The following RIC3 variants were observed in gnomAD, a reference collection of about 807,000 sequenced individuals.
RIC3 encodes the protein RIC3 acetylcholine receptor chaperone.
Under a neutral mutation model 27.3 loss-of-function variants are expected in RIC3, and 28 were observed. That is an observed-to-expected ratio of 1.02 (90% CI 0.76 to 1.41). The LOEUF is 1.41. Ranked by LOEUF, RIC3 falls within the 40% of genes most tolerant of loss-of-function variation. RIC3 has a pLI of 0.00. For missense variants in RIC3, 501 were observed against 444.7 expected (o/e 1.13, Z -1.14); for synonymous variants, 184 against 160.4 (o/e 1.15, Z -1.11).
chr11:8,126,646 A>G lies in RIC3; in HGVS notation c.670+13T>C. On this transcript the variant is annotated intron_variant, in intron 5 of 5. Coordinates refer to ENST00000309737, the MANE Select transcript of RIC3 (RefSeq NM_001206671.4). ...GCTGACAGCTAACAAAAAAATGAGA[A>G]GACACTGTTTACCTTCCCAGTCCTC... 2 of 1,613,144 alleles carry G rather than the reference A, an allele frequency of 1.2e-6. No homozygotes were observed. Among genetic ancestry groups the G allele is most frequent in the Non-Finnish European group, 1.7e-6 (2 of 1,179,444 alleles).
chr11:8,161,029 G>C (rs1317760392), intron 1 of RIC3, among the ~76,000 whole-genome samples: 1 of 152,180 alleles, frequency 6.6e-6, no homozygotes, highest in Non-Finnish European at 1.5e-5. Context: ...AGATGATTTT[G>C]AGGGCTTCAA....
At chr11:8,155,578 AAAAAG>A (rs889435903) in intron 1 of RIC3, among the ~76,000 whole-genome samples, 2 of 152,218 alleles carry the variant, frequency 1.3e-5, no homozygotes, top group Non-Finnish European at 2.9e-5. Flanking sequence ...CGTTTCAAAA[AAAAAG>A]AAAAGAAAAT....
At chr11:8,126,572 C>T in intron 5 of RIC3, 87 bp downstream of exon 5, 3 of 1,484,234 alleles carry the variant, frequency 2.0e-6, no homozygotes, top group Non-Finnish European at 2.8e-6. Context: ...TATATTATAC[C>T]TCAATAATGA....
At chr11:8,095,595 AG>A in the RIC3 span, 1 of 1,612,886 alleles carries the variant, frequency 6.2e-7, no homozygotes, top group South Asian at 1.1e-5. Context: ...CCCAGGACGC[AG>A]GGGAGACGGC....
chr11:8,101,855 T>TAC, downstream of RIC3: 4 of 475,800 alleles, frequency 8.4e-6, no homozygotes, highest in Non-Finnish European at 1.4e-5. Context: ...ATTCTTTCCA[T>TAC]GCCACGAGAT....
At chr11:8,141,212 C>A (rs1949022428) in intron 1 of RIC3, among the ~76,000 whole-genome samples, 1 of 151,806 alleles carries the variant, frequency 6.6e-6, no homozygotes, top group South Asian at 2.1e-4. Flanking sequence ...GGACTAAATG[C>A]TCCAATTAAA....
At chr11:8,138,552 A>T (rs1565050566) in intron 2 of RIC3, 2 of 518,978 alleles carry the variant, frequency 3.9e-6, no homozygotes, top group African/African-American at 1.9e-5. Flanking sequence ...CACAAGTGTA[A>T]AAAGTAAAGT....
At chr11:8,126,603 G>A in intron 5 of RIC3, 56 bp downstream of exon 5, 2 of 1,593,444 alleles carry the variant, frequency 1.3e-6, no homozygotes, top group Non-Finnish European at 8.5e-7. Flanking sequence ...TTAAAAATCT[G>A]TAACATCTCT....
intron 1 of RIC3, among the ~76,000 whole-genome samples, chr11:8,148,290 A>C (rs1949916362): frequency 6.6e-6 from 1 of 152,202 alleles, no homozygotes; most frequent in African/African-American, 2.4e-5. Flanking sequence ...ACCACCCTTT[A>C]TTCTGGATGC....
chr11:8,119,635 G>T (rs999763034), intron 5 of RIC3, among the ~76,000 whole-genome samples: 5 of 152,024 alleles, frequency 3.3e-5, no homozygotes, highest in South Asian at 2.1e-4. Context: ...ATAGGCATAG[G>T]CAAGGACTTC....
At chr11:8,149,701 C>T (rs745686813) in intron 1 of RIC3, among the ~76,000 whole-genome samples, 7 of 152,150 alleles carry the variant, frequency 4.6e-5, no homozygotes, top group African/African-American at 7.2e-5. Flanking sequence ...TCTTGGCCAA[C>T]GGGACCCCAA....
chr11:8,139,636 A>ATTTTTTT (rs72265360), intron 2 of RIC3: 13 of 92,682 alleles, frequency 1.4e-4, no homozygotes, highest in East Asian at 3.4e-4. Context: ...AAAGATGTTA[A>ATTTTTTT]TTTTTTTTTT....
Position 8,109,543 on chromosome 11 carries a change from G to A in RIC3, c.*1155C>T, listed in dbSNP as rs1945019167. 6.6e-6 allele frequency: 1 copy of A among 152,044 alleles called. No individual in the cohort carries two copies. Among genetic ancestry groups the A allele is most frequent in the Admixed American group, 6.6e-5 (1 of 15,256 alleles). 9.4% of individuals were successfully genotyped at this position (152,044 alleles called of 1,614,324 possible). A position where few individuals can be genotyped will look rare whatever the true frequency, so the allele number is the denominator to read the frequency against. ...AAAAAGACCCAAATATCCGAGTATG[G>A]AACACATGGTCTCTACCCCTGGGCA... On this transcript the variant is annotated 3_prime_UTR_variant, in exon 6 of 6. Transcript: ENST00000309737.
At chr11:8,121,036 A>G (rs530668715) in intron 5 of RIC3, among the ~76,000 whole-genome samples, 1 of 152,362 alleles carries the variant, frequency 6.6e-6, no homozygotes, top group African/African-American at 2.4e-5. Context: ...TAAATTCAAG[A>G]AAGATGATGC....
intron 1 of RIC3, among the ~76,000 whole-genome samples, chr11:8,164,062 A>C (rs1354092353): frequency 6.6e-6 from 1 of 152,180 alleles, no homozygotes; most frequent in African/African-American, 2.4e-5. Context: ...GAGTCAACTG[A>C]TTTGACATGG....
intron 1 of RIC3, among the ~76,000 whole-genome samples, chr11:8,145,190 T>TA (rs1565079059): frequency 8.6e-6 from 1 of 116,078 alleles, no homozygotes; most frequent in Non-Finnish European, 1.7e-5. Flanking sequence ...TAAAAAAAAA[T>TA]TAAAAAAAAA....
At chr11:8,127,022 T>A in intron 4 of RIC3, 1 of 588,980 alleles carries the variant, frequency 1.7e-6, no homozygotes, top group South Asian at 2.0e-5. Context: ...CCAGAATAGA[T>A]CAAGTGATTG....
chr11:8,103,156 A>G (rs1944378155), downstream of RIC3: 1 of 152,134 alleles, frequency 6.6e-6, no homozygotes, highest in Non-Finnish European at 1.5e-5. Context: ...TAGGTGGGAG[A>G]GAGTGCATAA....
chr11:8,098,476 T>G, the RIC3 span, among the ~76,000 whole-genome samples: 53 of 152,274 alleles, frequency 3.5e-4, no homozygotes, highest in South Asian at 9.3e-3. Context: ...TGAGGAGAAC[T>G]CCCATGTTCC....
Sources: gnomAD v4.1 joint callset for allele counts (sites outside exome capture counted in the v4.1 genomes callset) on GRCh38, gnomAD v4.1.1 for gene constraint, MANE v1.5 for transcripts, NCBI Gene and HGNC (gene_info 2026-07-23, HGNC 2026-07-21) for gene names.